The following BEND2 variants were observed in gnomAD, a reference collection of about 807,000 sequenced individuals.
BEND2 encodes BEN domain containing 2, also known as BEN domain-containing protein 2.
A neutral mutation model predicts 43.8 loss-of-function variants in BEND2; 19 were observed. The observed-to-expected ratio is 0.43, with a 90% confidence interval of 0.30 to 0.64. The LOEUF is 0.64. Among genes scored for constraint, BEND2 ranks in the 30% least tolerant of loss-of-function variants. The pLI, the probability that BEND2 is intolerant of heterozygous loss-of-function variation, is 0.11. For missense variants in BEND2, 544 were observed against 574.0 expected, an observed-to-expected ratio of 0.95 and a Z score of 0.53; for synonymous variants, 226 against 210.1, an observed-to-expected ratio of 1.08 and a Z score of -0.66.
intron 12 of BEND2, among the ~76,000 whole-genome samples, chrX:18,172,744 T>G (rs1924015238): frequency 9.0e-6 from 1 of 110,947 alleles, no homozygotes; most frequent in Admixed American, 9.6e-5. Flanking sequence ...GACTGATTTA[T>G]AATTCCCTTC....
chrX:18,203,992 C>T, intron 4 of BEND2, 77 bp from the exon 5 acceptor site: 2 of 960,297 alleles, frequency 2.1e-6, no homozygotes, highest in African/African-American at 1.9e-5. Flanking sequence ...ATGAGACATA[C>T]AATCAAAACT....
At chrX:18,204,618 A>G (rs1271677878) in intron 4 of BEND2, among the ~76,000 whole-genome samples, 1 of 112,132 alleles carries the variant, frequency 8.9e-6, no homozygotes, top group Non-Finnish European at 1.9e-5. Context: ...TAGACACAAC[A>G]AAAGTTCTCA....
chrX:18,209,030 C>G (rs1925427078), intron 4 of BEND2, among the ~76,000 whole-genome samples: 1 of 110,877 alleles, frequency 9.0e-6, no homozygotes, highest in Non-Finnish European at 1.9e-5. Context: ...AGTGAGTATA[C>G]AAAAAAGGCA....
chrX:18,215,639 T>A (rs1387203631), intron 2 of BEND2, among the ~76,000 whole-genome samples: 1 of 112,315 alleles, frequency 8.9e-6, no homozygotes, highest in African/African-American at 3.2e-5. Flanking sequence ...CACAACCATC[T>A]GTTTACATAT....
At chrX:18,220,121 C>A (rs7065624) in intron 1 of BEND2, among the ~76,000 whole-genome samples, 40,918 of 109,939 alleles carry the variant, frequency 0.37, 6,005 homozygotes, top group Non-Finnish European at 0.46. Context: ...CACGCGGGCA[C>A]CCCGGGAGAG....
Position 18,180,559 on chromosome X carries a change from G to C in BEND2, c.1380C>G (p.Asp460Glu). Residue 460 changes from aspartate to glutamate, a missense_variant, in exon 9 of 14, where the codon GAC (aspartate) becomes GAG (glutamate). Coordinates refer to ENST00000380033, the MANE Select transcript of BEND2 (RefSeq NM_153346.5). ...ATGATGAGGAAGAATCCTGGCCACT[G>C]TCACTGTCCAATAAAGTTGAGCGAT... is the stretch of plus-strand genomic sequence containing the variant. Reference protein sequence around the residue: ...TMNRSTLLDSDSGQDSSSSSV... With the variant: ...TMNRSTLLDSESGQDSSSSSV... 1 of 1,209,601 alleles carries C rather than the reference G, an allele frequency of 8.3e-7. No individual in the cohort carries two copies. Among genetic ancestry groups the C allele is most frequent in the Non-Finnish European group, 1.1e-6 (1 of 893,501 alleles).
chrX:18,188,355 T>C (rs1447482470), intron 8 of BEND2, among the ~76,000 whole-genome samples: 2 of 110,226 alleles, frequency 1.8e-5, no homozygotes, highest in African/African-American at 6.6e-5. Flanking sequence ...GTTGTGCACA[T>C]GTACCCTAGA....
intron 1 of BEND2, among the ~76,000 whole-genome samples, chrX:18,219,632 G>A (rs12387051): frequency 0.19 from 21,064 of 112,135 alleles, 1,499 homozygotes; most frequent in East Asian, 0.33. Flanking sequence ...CTCACCCAGT[G>A]GGGTGGTTCA....
intron 12 of BEND2, 29 bp downstream of exon 12, chrX:18,173,997 CTTAT>C: frequency 8.9e-7 from 1 of 1,123,552 alleles, no homozygotes. Context: ...AGCAAGAGAA[CTTAT>C]TTAAATATAA....
Position 18,174,155 on chromosome X carries a change from A to G in BEND2, c.1856T>C (p.Met619Thr). The change falls in exon 12 of 14, where the codon ATG becomes ACG. Residue 619 changes from methionine (M) to threonine (T), a missense_variant. By Grantham distance (81) the Met-to-Thr change is moderately conservative. Coordinates refer to ENST00000380033, the MANE Select transcript of BEND2 (RefSeq NM_153346.5). Reference protein sequence around the residue: ...GRDGGEGCSWMFQPMNNSKMR... With the variant: ...GRDGGEGCSWTFQPMNNSKMR... ...TTTGGAGTTATTCATTGGCTGAAAC[A>G]TCCAAGAACAGCCTTCACCACCATC... is the stretch of plus-strand genomic sequence containing the variant. 1 of 1,211,171 alleles carries G rather than the reference A, an allele frequency of 8.3e-7. No homozygotes were observed.
At chrX:18,218,025 C>A (rs774596794) in intron 1 of BEND2, among the ~76,000 whole-genome samples, 53 of 109,260 alleles carry the variant, frequency 4.9e-4, no homozygotes, top group African/African-American at 1.7e-3. Context: ...ATGGCTTGCA[C>A]CCGGGAGGCT....
intron 8 of BEND2, among the ~76,000 whole-genome samples, chrX:18,190,760 TCTCTCTCA>T (rs1392759907): frequency 1.3e-4 from 12 of 93,528 alleles, no homozygotes; most frequent in Non-Finnish European, 1.8e-4. Context: ...TCTCTCTCTC[TCTCTCTCA>T]CACACACACA....
intron 6 of BEND2, among the ~76,000 whole-genome samples, chrX:18,198,753 T>A (rs1326559629): frequency 1.9e-5 from 2 of 107,856 alleles, no homozygotes; most frequent in South Asian, 4.1e-4. Context: ...ACATGCACAC[T>A]TATGTTTATC....
At chrX:18,212,464 T>C (rs1165706419) in intron 4 of BEND2, 101 bp downstream of exon 4, 1 of 563,871 alleles carries the variant, frequency 1.8e-6, no homozygotes, top group African/African-American at 2.3e-5. Context: ...ATTTGTGCAT[T>C]TTACTGCATG....
intron 6 of BEND2, among the ~76,000 whole-genome samples, chrX:18,198,659 T>C (rs138731216): frequency 0.23 from 25,328 of 109,782 alleles, 2,524 homozygotes; most frequent in African/African-American, 0.36. Context: ...CCTCAGGGAT[T>C]TAGAACTAGA....
chrX:18,207,725 C>A lies in BEND2; in HGVS notation c.493-3810G>T, dbSNP rs149600769. 4.6e-3 allele frequency among the ~76,000 whole-genome samples: 514 copies of A among 112,573 alleles called. 5 individuals are homozygous for A. Among genetic ancestry groups the A allele is most frequent in the Admixed American group, 0.033 (351 of 10,654 alleles). ...CTTGACACAGCAAAATTTCTATTAA[C>A]AGTACAATGGTGGTCAGGCACAGTG... On this transcript the variant is annotated intron_variant, in intron 4 of 13. Transcript: ENST00000380033.
chrX:18,196,000 TAGAA>T (rs1390798148), intron 6 of BEND2, among the ~76,000 whole-genome samples: 9 of 111,091 alleles, frequency 8.1e-5, no homozygotes, highest in Admixed American at 1.9e-4. Context: ...GAAAGACTGA[TAGAA>T]AGACCACAAT....
chrX:18,190,766 T>TCACACACA (rs1300015009), intron 8 of BEND2, among the ~76,000 whole-genome samples: 9,092 of 92,790 alleles, frequency 0.098, 443 homozygotes, highest in Middle Eastern at 0.17. Flanking sequence ...TCTCTCTCTC[T>TCACACACA]CACACACACA....
intron 6 of BEND2, among the ~76,000 whole-genome samples, chrX:18,198,380 A>C (rs1925028618): frequency 9.0e-6 from 1 of 110,950 alleles, no homozygotes; most frequent in African/African-American, 3.3e-5. Flanking sequence ...ACCCCATCAA[A>C]AAGTAGGCAA....
Sources: allele counts gnomAD v4.1 joint callset (sites outside exome capture counted in the v4.1 genomes callset), GRCh38; gene constraint gnomAD v4.1.1; transcripts MANE v1.5; gene names NCBI Gene and HGNC (gene_info 2026-07-23, HGNC 2026-07-21).